The following SNX11 variants were observed in gnomAD, a reference collection of about 807,000 sequenced individuals.
SNX11 encodes sorting nexin-11.
In SNX11, 19 loss-of-function variants were observed where a neutral mutation model predicts 30.7. That is an observed-to-expected ratio of 0.62 (90% CI 0.43 to 0.91). The LOEUF is 0.91. SNX11 is among the 40% of genes least tolerant of loss of function. SNX11 has a pLI of 0.00. For missense variants in SNX11, 302 were observed against 326.7 expected, an observed-to-expected ratio of 0.92 and a Z score of 0.58; for synonymous variants, 112 against 119.0, an observed-to-expected ratio of 0.94 and a Z score of 0.38.
chr17:48,112,693 C>G (rs374313217), intron 3 of SNX11, 33 bp downstream of exon 3: 2 of 1,410,462 alleles, frequency 1.4e-6, no homozygotes, highest in Middle Eastern at 4.0e-4. Context: ...TTGGGGTCAG[C>G]GCTCTGCAGG....
In SNX11 at chr17:48,119,457, A is replaced by T. The variant is rs532326961; in HGVS notation, c.539+271A>T. Among the ~76,000 whole-genome samples the T allele has an allele frequency of 8.6e-5, 13 of 151,826 alleles. No individual in the cohort carries two copies. In the East Asian group the frequency reaches 2.5e-3, roughly 29 times the overall value. On this transcript the variant is annotated intron_variant, in intron 6 of 6. Transcript: ENST00000359238. ...CTCCTCCCTCCCTTTTTATTTATTT[A>T]TTTTTTTGTGTGGAGACGGACGCTC...
chr17:48,112,632 C>G lies in SNX11; in HGVS notation c.101C>G (p.Ser34Cys). The change falls in exon 3 of 7, where the codon TCT (serine) becomes TGT (cysteine). Residue 34 changes from serine to cysteine, a missense_variant. By Grantham distance (112) the Ser-to-Cys change is moderately radical. Transcript: ENST00000359238. ...GTGCAGAATGAGGGCTCCTGGAACTCTTATGTGGATTATAAGATATTCCTC... is the reference window on the plus strand; with the variant it reads ...GTGCAGAATGAGGGCTCCTGGAACTGTTATGTGGATTATAAGATATTCCTC... ...PRVQNEGSWN[S>C]YVDYKIFLHT... 1 of 1,612,564 alleles carries G rather than the reference C, an allele frequency of 6.2e-7. No homozygotes were observed. The highest frequency in any genetic ancestry group is 8.5e-7 in the Non-Finnish European group (1 of 1,179,218).
intron 4 of SNX11, among the ~76,000 whole-genome samples, chr17:48,116,793 C>T (rs1051244855): frequency 6.6e-6 from 1 of 151,488 alleles, no homozygotes; most frequent in Non-Finnish European, 1.5e-5. Context: ...GTCTCCAACT[C>T]CTGACCTCAT....
Position 48,114,543 on chromosome 17 carries a change from C to T in SNX11, c.230+1142C>T, listed in dbSNP as rs550386179. On this transcript the variant is annotated intron_variant, in intron 4 of 6. Transcript: ENST00000359238. ...TACAATCTCGGCTTACTGCAACCTC[C>T]GCCTCCCGGGTTCAAGCAGTTCTCT... is the stretch of plus-strand genomic sequence containing the variant. Among the ~76,000 whole-genome samples, 29 of 150,834 alleles carry T rather than the reference C, an allele frequency of 1.9e-4. No individual in the cohort carries two copies. The South Asian group carries it at 5.3e-3, about 27-fold the overall frequency.
chr17:48,112,751 A>C, intron 3 of SNX11, 91 bp downstream of exon 3: 1 of 675,178 alleles, frequency 1.5e-6, no homozygotes, highest in Non-Finnish European at 2.4e-6. Flanking sequence ...TTTTTTTGAG[A>C]TGGAGTTTTG....
At chr17:48,120,945 G>A (rs1038325649) in intron 6 of SNX11, among the ~76,000 whole-genome samples, 1 of 150,298 alleles carries the variant, frequency 6.7e-6, no homozygotes, top group Non-Finnish European at 1.5e-5. Context: ...AGTCAGAACA[G>A]GCTCAGAGAG....
At position 48,112,036 on chromosome 17, in the gene SNX11, T is replaced by A; in HGVS notation, c.-8T>A. 6.2e-7 allele frequency: 1 copy of A among 1,612,560 alleles called. No individual in the cohort carries two copies. Among genetic ancestry groups the A allele is most frequent in the South Asian group, 1.1e-5 (1 of 91,060 alleles). ...TATCCTCTGTCCCTCATCAGATGTT[T>A]CCTTCCAATGGGCTTTTGGTGTAGG... is the stretch of plus-strand genomic sequence containing the variant. On this transcript the variant is annotated 5_prime_UTR_variant, in exon 2 of 7. Transcript: ENST00000359238.
At chr17:48,110,633 G>C (rs2063482327) in intron 1 of SNX11, 1 of 152,604 alleles carries the variant, frequency 6.6e-6, no homozygotes, top group Non-Finnish European at 1.5e-5. Context: ...AAAAATGAGT[G>C]GGTATGTGAA....
intron 1 of SNX11, among the ~76,000 whole-genome samples, chr17:48,110,951 G>A (rs896965948): frequency 6.6e-6 from 1 of 152,174 alleles, no homozygotes; most frequent in African/African-American, 2.4e-5. Context: ...CAGCCTTCAT[G>A]GTCCCCTTGT....
chr17:48,121,193 A>G lies in SNX11; in HGVS notation c.540-42A>G, dbSNP rs12937575. ...AGACGGAGTCTCCCTATGTTACCCA[A>G]GCTGTTCATACCTTTCTTTTCCCTT... On this transcript the variant is annotated intron_variant, in intron 6 of 6. Coordinates refer to ENST00000359238, the MANE Select transcript of SNX11 (RefSeq NM_013323.3). 3.4e-4 allele frequency: 544 copies of G among 1,605,274 alleles called. 2 individuals carry two copies. In the African/African-American group the frequency reaches 6.0e-3, roughly 18 times the overall value.
In SNX11 at chr17:48,121,360, C is replaced by T. The variant is rs201282109; in HGVS notation, c.665C>T (p.Thr222Ile). 1.5e-5 allele frequency: 24 copies of T among 1,614,096 alleles called. No individual in the cohort carries two copies. The highest frequency in any genetic ancestry group is 1.9e-5 in the Non-Finnish European group (23 of 1,180,056). The change falls in exon 7 of 7, where the codon ACT (threonine) becomes ATT (isoleucine). Residue 222 changes from threonine (T) to isoleucine (I), a missense_variant. Thr to Ile is a moderately conservative substitution (Grantham distance 89). Transcript: ENST00000359238. ...GAGGTTCCTTCCTTGGAAAGTCCCA[C>T]TCTCCCACCCCTCTCCTCACCATTA... Reference protein sequence around the residue: ...DSEVPSLESPTLPPLSSPLCC... With the variant: ...DSEVPSLESPILPPLSSPLCC...
intron 4 of SNX11, among the ~76,000 whole-genome samples, chr17:48,118,168 G>A (rs2063563983): frequency 6.6e-6 from 1 of 152,222 alleles, no homozygotes; most frequent in Non-Finnish European, 1.5e-5. Flanking sequence ...GATCTGAAGT[G>A]AGTTAATATC....
intron 1 of SNX11, 76 bp from the exon 2 acceptor site, chr17:48,111,955 C>T (rs2063496637): frequency 9.7e-6 from 12 of 1,238,986 alleles, no homozygotes; most frequent in African/African-American, 4.5e-5. Context: ...TAAAAACTTT[C>T]GGGGTTTTCC....
chr17:48,111,065 G>C (rs1291532543), intron 1 of SNX11: 1 of 984,588 alleles, frequency 1.0e-6, no homozygotes, highest in African/African-American at 1.7e-5. Flanking sequence ...ATCCTGAGTC[G>C]ACCTGTGCAG....
intron 1 of SNX11, among the ~76,000 whole-genome samples, chr17:48,109,283 C>T (rs2063467043): frequency 7.2e-6 from 1 of 138,142 alleles, no homozygotes; most frequent in African/African-American, 2.6e-5. Context: ...TTTTTTGAGA[C>T]GGAGTCTCAC....
At chr17:48,111,557 G>C (rs367843047) in intron 1 of SNX11, among the ~76,000 whole-genome samples, 19 of 151,226 alleles carry the variant, frequency 1.3e-4, no homozygotes, top group African/African-American at 3.9e-4. Flanking sequence ...TGAGGCAGGA[G>C]AATTGCTTGA....
chr17:48,111,313 C>T (rs906525390), intron 1 of SNX11, among the ~76,000 whole-genome samples: 2 of 152,066 alleles, frequency 1.3e-5, no homozygotes, highest in African/African-American at 4.8e-5. Flanking sequence ...ACTTGGTTGT[C>T]TCTAAACAGC....
chr17:48,111,192 CA>C, intron 1 of SNX11: 1 of 915,588 alleles, frequency 1.1e-6, no homozygotes, highest in Non-Finnish European at 1.3e-6. Flanking sequence ...CCCAACTGGG[CA>C]ACCCACTCAG....
chr17:48,117,528 ATT>A (rs2063558199), intron 4 of SNX11, among the ~76,000 whole-genome samples: 3 of 150,500 alleles, frequency 2.0e-5, no homozygotes, highest in Non-Finnish European at 4.4e-5. Context: ...AAGTGCTGGG[ATT>A]ACAGGCGTGA....
Sources: allele counts gnomAD v4.1 joint callset (sites outside exome capture counted in the v4.1 genomes callset), GRCh38; gene constraint gnomAD v4.1.1; transcripts MANE v1.5; gene names NCBI Gene and HGNC (gene_info 2026-07-23, HGNC 2026-07-21).